The following CAST variants were observed in gnomAD, a reference collection of about 807,000 sequenced individuals.
The protein encoded by CAST is MIR583 host.
In CAST, 76 loss-of-function variants were observed where a neutral mutation model predicts 119.6. The observed-to-expected ratio is 0.64, with a 90% CI of 0.53 to 0.77. CAST has a LOEUF of 0.77. Ranked by LOEUF, CAST falls within the 30% of genes least tolerant of loss-of-function variation. The probability of loss-of-function intolerance (pLI) is 0.00; values close to 1 mark genes in which losing one functional copy is unlikely to be tolerated. For missense variants in CAST, 953 were observed against 946.5 expected (o/e 1.01, Z -0.09); for synonymous variants, 319 against 331.6 (o/e 0.96, Z 0.41).
At chr5:96,269,319 C>G in the CAST span, among the ~76,000 whole-genome samples, 2 of 152,002 alleles carry the variant, frequency 1.3e-5, no homozygotes, top group South Asian at 4.1e-4. Flanking sequence ...TAAAAGCAAA[C>G]ATTAATAGAT....
chr5:96,117,094 C>T, the CAST span, among the ~76,000 whole-genome samples: 1 of 152,148 alleles, frequency 6.6e-6, no homozygotes. Flanking sequence ...CTGCTGCTTT[C>T]CAATGGCTTC....
In CAST at chr5:96,713,750, G is replaced by A. The variant is rs1031461692; in HGVS notation, c.211-8889G>A. Among the ~76,000 whole-genome samples the A allele has an allele frequency of 1.4e-3, 213 of 152,210 alleles. 3 individuals are homozygous for A. Among genetic ancestry groups the A allele is most frequent in the Non-Finnish European group, 3.4e-4 (23 of 68,002 alleles). On this transcript the variant is annotated intron_variant, in intron 3 of 31. Transcript: ENST00000675179. ...GCACTTCGGGGAGGCTGAGGTGGGTGGATCACCTGAGGTCAGGAGTTTGAG... is the reference window on the plus strand; with the variant it reads ...GCACTTCGGGGAGGCTGAGGTGGGTAGATCACCTGAGGTCAGGAGTTTGAG...
the CAST span, among the ~76,000 whole-genome samples, chr5:96,058,786 T>C: frequency 6.6e-6 from 1 of 152,046 alleles, no homozygotes; most frequent in Non-Finnish European, 1.5e-5. Context: ...CATTAATGCA[T>C]AGGAGAAAGA....
chr5:96,614,475 A>G (rs1041113788), intron 1 of CAST, among the ~76,000 whole-genome samples: 3 of 152,214 alleles, frequency 2.0e-5, no homozygotes, highest in South Asian at 2.1e-4. Context: ...ACTGTTTTCC[A>G]TGGGTTGCTT....
chr5:96,534,410 G>GCTGGGCACGGTGACTCACAC (rs71617122), intron 1 of CAST, among the ~76,000 whole-genome samples: 1 of 150,892 alleles, frequency 6.6e-6, no homozygotes, highest in East Asian at 2.0e-4. Flanking sequence ...AGAAAAATAG[G>GCTGGGCACGGTGACTCACAC]CTGTAATCCC....
intron 3 of CAST, among the ~76,000 whole-genome samples, chr5:96,709,473 A>G (rs1439309080): frequency 6.6e-6 from 1 of 152,132 alleles, no homozygotes; most frequent in African/African-American, 2.4e-5. Flanking sequence ...AAGCTTACCT[A>G]TCTATTTTAT....
chr5:96,162,324 G>A, the CAST span, among the ~76,000 whole-genome samples: 2 of 152,190 alleles, frequency 1.3e-5, no homozygotes, highest in Non-Finnish European at 2.9e-5. Context: ...CATGAAAGAT[G>A]TAGAATTTTT....
intron 1 of CAST, among the ~76,000 whole-genome samples, chr5:96,593,633 A>G (rs1486126362): frequency 6.6e-6 from 1 of 152,252 alleles, no homozygotes; most frequent in Non-Finnish European, 1.5e-5. Context: ...TAAAATGTAT[A>G]TATGAAATCC....
At chr5:96,635,171 G>A (rs933368449) in intron 1 of CAST, among the ~76,000 whole-genome samples, 25 of 152,218 alleles carry the variant, frequency 1.6e-4, no homozygotes, top group African/African-American at 5.8e-4. Flanking sequence ...CTAGAAATGG[G>A]TCTTGATGTT....
chr5:96,378,302 T>G, the CAST span, among the ~76,000 whole-genome samples: 1 of 152,116 alleles, frequency 6.6e-6, no homozygotes, highest in Non-Finnish European at 1.5e-5. Context: ...TTTACATTTT[T>G]TAAGCAGATA....
chr5:96,040,767 G>A, the CAST span, among the ~76,000 whole-genome samples: 41 of 152,186 alleles, frequency 2.7e-4, no homozygotes, highest in African/African-American at 8.9e-4. Context: ...TTCTGAATTC[G>A]GTTTGCCAGT....
the CAST span, among the ~76,000 whole-genome samples, chr5:95,988,821 G>A: frequency 1.3e-5 from 2 of 152,134 alleles, no homozygotes; most frequent in African/African-American, 4.8e-5. Flanking sequence ...TAAATGCTCA[G>A]TGAATTTTTA....
At chr5:96,341,462 G>A in the CAST span, among the ~76,000 whole-genome samples, 18 of 151,958 alleles carry the variant, frequency 1.2e-4, no homozygotes, top group South Asian at 1.7e-3. Context: ...GGTCAAATTC[G>A]AAATAACAAT....
chr5:96,346,939 A>G, the CAST span, among the ~76,000 whole-genome samples: 1 of 152,168 alleles, frequency 6.6e-6, no homozygotes, highest in Admixed American at 6.5e-5. Context: ...ATTCCTGGAT[A>G]AGACAAATCA....
At chr5:96,681,561 G>A (rs1052387075) in intron 2 of CAST, among the ~76,000 whole-genome samples, 9 of 151,298 alleles carry the variant, frequency 5.9e-5, no homozygotes, top group Non-Finnish European at 1.2e-4. Flanking sequence ...GTGAAACCCC[G>A]TCTCTACTAA....
the CAST span, among the ~76,000 whole-genome samples, chr5:96,071,593 T>C: frequency 6.6e-6 from 1 of 152,180 alleles, no homozygotes; most frequent in African/African-American, 2.4e-5. Context: ...TCTTAATCTT[T>C]GGAGACTTTC....
At chr5:96,358,228 T>C in the CAST span, among the ~76,000 whole-genome samples, 1 of 152,208 alleles carries the variant, frequency 6.6e-6, no homozygotes, top group Non-Finnish European at 1.5e-5. Context: ...TCTTTTCTTC[T>C]TTATTAATCT....
chr5:96,303,248 A>G, the CAST span, among the ~76,000 whole-genome samples: 1 of 152,188 alleles, frequency 6.6e-6, no homozygotes, highest in African/African-American at 2.4e-5. Flanking sequence ...ACAACAAGGC[A>G]TAAGTCTGCC....
At chr5:96,691,996 A>G (rs75013033) in intron 2 of CAST, among the ~76,000 whole-genome samples, 6,323 of 152,200 alleles carry the variant, frequency 0.042, 175 homozygotes, top group Middle Eastern at 0.092. Flanking sequence ...TCAGTAAAAA[A>G]TTTTTTCTCT....
Sources: gnomAD v4.1 joint callset for allele counts (sites outside exome capture counted in the v4.1 genomes callset) on GRCh38, gnomAD v4.1.1 for gene constraint, MANE v1.5 for transcripts, NCBI Gene and HGNC (gene_info 2026-07-23, HGNC 2026-07-21) for gene names.